FAM169A: variants seen among roughly 807,000 people sequenced by gnomAD.
The protein encoded by FAM169A is family with sequence similarity 169 member A, also known as soluble lamin-associated protein of 75 kDa.
A neutral mutation model predicts 75.7 loss-of-function variants in FAM169A; 24 were observed. The observed-to-expected ratio is 0.32, with a 90% CI of 0.23 to 0.45. The LOEUF (loss-of-function observed/expected upper bound fraction) is 0.45, where lower values mean the gene tolerates loss of function less well. Ranked by LOEUF, FAM169A falls within the 20% of genes least tolerant of loss-of-function variation. The probability of loss-of-function intolerance (pLI) is 1.00; values close to 1 mark genes in which losing one functional copy is unlikely to be tolerated. For missense variants in FAM169A, 673 were observed against 784.0 expected (o/e 0.86, Z 1.69); for synonymous variants, 271 against 271.0 (o/e 1.00, Z 0.00).
intron 5 of FAM169A, among the ~76,000 whole-genome samples, chr5:74,834,133 T>G (rs1204734543): frequency 6.6e-6 from 1 of 152,072 alleles, no homozygotes; most frequent in Non-Finnish European, 1.5e-5. Context: ...TTTGGAAATG[T>G]GAGGGCTAGA....
chr5:74,819,575 T>C (rs1439983087), intron 5 of FAM169A, among the ~76,000 whole-genome samples: 1 of 152,192 alleles, frequency 6.6e-6, no homozygotes, highest in Non-Finnish European at 1.5e-5. Flanking sequence ...CTTGAAGACA[T>C]GTCCAAACAA....
chr5:74,833,492 G>GA (rs1748421016), intron 5 of FAM169A, among the ~76,000 whole-genome samples: 1 of 151,986 alleles, frequency 6.6e-6, no homozygotes, highest in African/African-American at 2.4e-5. Context: ...TTATTCTTGG[G>GA]AAAAAATGAC....
intron 4 of FAM169A, among the ~76,000 whole-genome samples, chr5:74,836,287 TCTCC>T (rs1748569326): frequency 6.6e-6 from 1 of 152,156 alleles, no homozygotes; most frequent in African/African-American, 2.4e-5. Flanking sequence ...GTATTACATT[TCTCC>T]CTATTTAATT....
chr5:74,834,334 G>C (rs1748463003), intron 5 of FAM169A, 92 bp downstream of exon 5: 1 of 680,020 alleles, frequency 1.5e-6, no homozygotes, highest in East Asian at 3.2e-5. Context: ...TTGCATGCTA[G>C]AGATTAATTT....
At chr5:74,862,956 A>T (rs1750115941) in intron 1 of FAM169A, among the ~76,000 whole-genome samples, 1 of 151,186 alleles carries the variant, frequency 6.6e-6, no homozygotes, top group African/African-American at 2.4e-5. Flanking sequence ...AATAAATGAA[A>T]GCTATCTTTG....
At chr5:74,836,335 T>C (rs1748572990) in intron 4 of FAM169A, among the ~76,000 whole-genome samples, 1 of 152,190 alleles carries the variant, frequency 6.6e-6, no homozygotes. Context: ...TGTTTTTTAA[T>C]TCTGCCCTTC....
intron 8 of FAM169A, 89 bp from the exon 9 acceptor site, chr5:74,801,718 G>T: frequency 2.0e-6 from 2 of 985,292 alleles, no homozygotes; most frequent in Non-Finnish European, 3.1e-6. Context: ...AGAAAAACTT[G>T]TAAAATGTTT....
At chr5:74,803,315 G>T (rs1484843958) in intron 8 of FAM169A, among the ~76,000 whole-genome samples, 1 of 151,946 alleles carries the variant, frequency 6.6e-6, no homozygotes, top group African/African-American at 2.4e-5. Context: ...CAGGAATTTG[G>T]ACTGCAGTAG....
At chr5:74,790,110 C>T (rs113627725) in intron 11 of FAM169A, among the ~76,000 whole-genome samples, 15 of 152,298 alleles carry the variant, frequency 9.8e-5, no homozygotes, top group African/African-American at 2.6e-4. Flanking sequence ...GTGGCTCAAA[C>T]GCCCATGGTC....
intron 4 of FAM169A, among the ~76,000 whole-genome samples, chr5:74,838,178 C>A (rs1055298194): frequency 2.7e-5 from 4 of 146,086 alleles, no homozygotes; most frequent in Non-Finnish European, 6.0e-5. Context: ...TTAGGATTAA[C>A]AAGACACTCT....
chr5:74,778,811 A>G lies in FAM169A; in HGVS notation c.*2649T>C, dbSNP rs1028730045. 4 of 152,092 alleles carry G rather than the reference A, an allele frequency of 2.6e-5. No individual in the cohort carries two copies. The highest frequency in any genetic ancestry group is 9.6e-5 in the African/African-American group (4 of 41,458). 9.4% of individuals were successfully genotyped at this position (152,092 alleles called of 1,614,324 possible). A position where few individuals can be genotyped will look rare whatever the true frequency, so the allele number is the denominator to read the frequency against. ...CCCTTCACAAATAAGTTCACAAAGG[A>G]CTATGTGTAATGTGACTGGACATTC... is the stretch of plus-strand genomic sequence containing the variant. On this transcript the variant is annotated 3_prime_UTR_variant, in exon 13 of 13. Coordinates refer to ENST00000687041, the MANE Select transcript of FAM169A (RefSeq NM_001376049.1).
chr5:74,857,444 A>T lies in FAM169A; in HGVS notation c.-4+8721T>A, dbSNP rs771321533. 2.6e-5 allele frequency among the ~76,000 whole-genome samples: 4 copies of T among 151,778 alleles called. No individual in the cohort carries two copies. The South Asian group carries it at 8.4e-4, about 32-fold the overall frequency. On this transcript the variant is annotated intron_variant, in intron 1 of 12. Coordinates refer to ENST00000687041, the MANE Select transcript of FAM169A (RefSeq NM_001376049.1). Reference sequence around the variant, plus strand: ...TACGCACCTGTAGTCCCAGCTACTCAGGGGGCTGAGGGAGAATGGCTTGAG... The same window carrying T: ...TACGCACCTGTAGTCCCAGCTACTCTGGGGGCTGAGGGAGAATGGCTTGAG...
rs1008238040 is a variant in FAM169A at position 74,779,091 on chromosome 5, T to G, written c.*2369A>C. The G allele has an allele frequency of 6.6e-6, 1 of 152,120 alleles. No individual in the cohort carries two copies. Among genetic ancestry groups the G allele is most frequent in the Non-Finnish European group, 1.5e-5 (1 of 67,954 alleles). 9.4% of individuals were successfully genotyped at this position (152,120 alleles called of 1,614,324 possible). A position where few individuals can be genotyped will look rare whatever the true frequency, so the allele number is the denominator to read the frequency against. On this transcript the variant is annotated 3_prime_UTR_variant, in exon 13 of 13. Transcript: ENST00000687041. ...TGTCAGAGAGAATCTGTAACAGAAG[T>G]GTTCTTGTGTGCTGAACAAAAAACT...
intron 1 of FAM169A, among the ~76,000 whole-genome samples, chr5:74,847,403 G>A (rs1325711017): frequency 6.6e-6 from 1 of 151,382 alleles, no homozygotes; most frequent in Middle Eastern, 3.4e-3. Context: ...TTTGTGTCAC[G>A]TTTATGTCAC....
chr5:74,812,480 A>G (rs931500031), intron 6 of FAM169A, among the ~76,000 whole-genome samples: 1 of 150,374 alleles, frequency 6.7e-6, no homozygotes, highest in Non-Finnish European at 1.5e-5. Context: ...AGGTCTCACT[A>G]TGTTGCCCAG....
At chr5:74,793,897 G>T (rs889294393) in intron 11 of FAM169A, among the ~76,000 whole-genome samples, 10 of 150,510 alleles carry the variant, frequency 6.6e-5, no homozygotes, top group Admixed American at 4.0e-4. Context: ...CAGCTACTCA[G>T]AAGGCTGAGG....
chr5:74,832,377 A>C (rs187374222), intron 5 of FAM169A, among the ~76,000 whole-genome samples: 481 of 152,004 alleles, frequency 3.2e-3, no homozygotes, highest in Middle Eastern at 0.017. Context: ...ATTTCATTGT[A>C]CTGTAAGAGA....
chr5:74,847,419 A>G (rs1749213098), intron 1 of FAM169A, among the ~76,000 whole-genome samples: 1 of 152,134 alleles, frequency 6.6e-6, no homozygotes, highest in Admixed American at 6.6e-5. Context: ...GTCACTGTAC[A>G]TAATGGTCAC....
At chr5:74,800,225 G>C (rs1275362412) in intron 10 of FAM169A, 2 of 226,180 alleles carry the variant, frequency 8.8e-6, no homozygotes, top group Middle Eastern at 1.5e-3. Context: ...ATATAAAATT[G>C]GTGAAAATGT....
Sources: gnomAD v4.1 joint callset for allele counts (sites outside exome capture counted in the v4.1 genomes callset) on GRCh38, gnomAD v4.1.1 for gene constraint, MANE v1.5 for transcripts, NCBI Gene and HGNC (gene_info 2026-07-23, HGNC 2026-07-21) for gene names.